The following TRAF3IP2 variants were observed in gnomAD, a reference collection of about 807,000 sequenced individuals.
The protein encoded by TRAF3IP2 is TRAF3 interacting protein 2.
A neutral mutation model predicts 57.9 loss-of-function variants in TRAF3IP2; 35 were observed. The ratio of observed to expected loss-of-function variants is 0.60; its 90% CI spans 0.46 to 0.80. The LOEUF (loss-of-function observed/expected upper bound fraction) is 0.80. Among genes scored for constraint, TRAF3IP2 ranks in the 30% least tolerant of loss-of-function variants. The pLI is 0.00. For synonymous variants in TRAF3IP2, 251 were observed against 268.9 expected (o/e 0.93, Z 0.65); for missense variants, 556 against 706.4 (o/e 0.79, Z 2.41).
chr6:111,559,917 A>G (rs1437955988), intron 8 of TRAF3IP2, among the ~76,000 whole-genome samples: 1 of 152,212 alleles, frequency 6.6e-6, no homozygotes, highest in Non-Finnish European at 1.5e-5. Context: ...CCAGGGCCGT[A>G]GGCTTAAATC....
intron 8 of TRAF3IP2, among the ~76,000 whole-genome samples, chr6:111,562,262 T>C (rs567502094): frequency 6.6e-6 from 1 of 152,332 alleles, no homozygotes; most frequent in East Asian, 1.9e-4. Flanking sequence ...CTGTAATCAT[T>C]AGCTTTGAGA....
At position 111,591,714 on chromosome 6, in the gene TRAF3IP2, G is replaced by A. The variant is rs1796525340; in HGVS notation, c.373C>T (p.Leu125Phe). Reference sequence around the variant, plus strand: ...AATGAAAACTGATGCTCTGCAGGGAGGGCTCCAACCACAGACTCAGACGCA... The same window carrying A: ...AATGAAAACTGATGCTCTGCAGGGAAGGCTCCAACCACAGACTCAGACGCA... ...EPASESVVGA[L>F]PAEHQFSFME... is the part of the protein sequence containing the mutation. Residue 125 changes from leucine to phenylalanine, a missense_variant, in exon 2 of 9, where the codon CTC (leucine) becomes TTC (phenylalanine). Physicochemically the swap from Leu to Phe is conservative, Grantham distance 22 (BLOSUM62 0). Around this residue, in one of 2 missense-constraint regions of TRAF3IP2, gnomAD observed 428 missense variants for 498.7 expected, o/e 0.86. Coordinates refer to ENST00000368761, the MANE Select transcript of TRAF3IP2 (RefSeq NM_147686.4). The surrounding 1 kb of genome is among the most constrained non-coding windows in gnomAD (Gnocchi z 4.9). The A allele has an allele frequency of 1.2e-6, 2 of 1,614,240 alleles. No individual in the cohort carries two copies. The highest frequency in any genetic ancestry group is 1.7e-6 in the Non-Finnish European group (2 of 1,180,030).
At chr6:111,562,434 C>G (rs938503920) in intron 8 of TRAF3IP2, among the ~76,000 whole-genome samples, 2 of 152,108 alleles carry the variant, frequency 1.3e-5, no homozygotes, top group Non-Finnish European at 2.9e-5. Flanking sequence ...GTTCTTTGAA[C>G]AATTAGGACA....
intron 1 of TRAF3IP2, among the ~76,000 whole-genome samples, chr6:111,595,842 AAAGG>A (rs1796672874): frequency 6.6e-6 from 1 of 152,092 alleles, no homozygotes; most frequent in Non-Finnish European, 1.5e-5. Context: ...AAAAAAAAAA[AAAGG>A]AGGTATGCAG....
At chr6:111,581,837 G>C (rs536604667) in intron 2 of TRAF3IP2, among the ~76,000 whole-genome samples, 1 of 152,214 alleles carries the variant, frequency 6.6e-6, no homozygotes, top group South Asian at 2.1e-4. Context: ...AATTAGCTGG[G>C]TGTGATGGCG....
rs151057033 is a variant in TRAF3IP2 at position 111,603,378 on chromosome 6, T to C, written c.-9+2398A>G. On this transcript the variant is annotated intron_variant, in intron 1 of 8. Transcript: ENST00000368761. Reference sequence around the variant, plus strand: ...GGATTGTTTTGATAAGGAAATGTGATCAAACATTAGGGGTCATTTCATTGG... The same window carrying C: ...GGATTGTTTTGATAAGGAAATGTGACCAAACATTAGGGGTCATTTCATTGG... Among the ~76,000 whole-genome samples, 1,087 of 152,298 alleles carry C rather than the reference T, an allele frequency of 7.1e-3. 11 individuals carry two copies. The highest frequency in any genetic ancestry group is 0.025 in the African/African-American group (1,031 of 41,560).
chr6:111,601,117 T>C (rs555803393), intron 1 of TRAF3IP2: 15 of 707,962 alleles, frequency 2.1e-5, no homozygotes, highest in South Asian at 9.0e-5. Context: ...GGTTCAGCTA[T>C]TGGGAGGGAA....
rs1463029619 is a variant in TRAF3IP2 at position 111,591,326 on chromosome 6, T to C, written c.761A>G (p.Asn254Ser). 1.3e-6 allele frequency: 2 copies of C among 1,518,126 alleles called. No individual in the cohort carries two copies. Among genetic ancestry groups the C allele is most frequent in the African/African-American group, 1.4e-5 (1 of 71,742 alleles). The allele number at this position is 1,518,126 out of a possible 1,614,324, so 94.0% of individuals were successfully genotyped here. A position where few individuals can be genotyped will look rare whatever the true frequency, so the allele number is the denominator to read the frequency against. Residue 254 changes from asparagine to serine, a missense_variant, in exon 2 of 9, where the codon AAT becomes AGT. Coordinates refer to ENST00000368761, the MANE Select transcript of TRAF3IP2 (RefSeq NM_147686.4). This position sits in a 1 kb window ranked among gnomAD's most constrained non-coding sequence, Gnocchi z 4.9. ...GTTCCATGGAGCATGTGGGGAAAGA[T>C]TGGGAGGCAGCATCTGTGCACATGC... ...YPACAQMLPP[N>S]LSPHAPWNYH...
chr6:111,603,083 TGCACAC>T (rs887194730), intron 1 of TRAF3IP2, among the ~76,000 whole-genome samples: 5 of 103,830 alleles, frequency 4.8e-5, no homozygotes, highest in African/African-American at 1.7e-4. Context: ...ACACAAGGTG[TGCACAC>T]ACACACACAC....
chr6:111,560,719 AAAT>A (rs1214416724), intron 8 of TRAF3IP2, among the ~76,000 whole-genome samples: 2 of 152,210 alleles, frequency 1.3e-5, no homozygotes, highest in Non-Finnish European at 2.9e-5. Flanking sequence ...GGAGATTTAA[AAAT>A]AATAACAAAA....
intron 2 of TRAF3IP2, among the ~76,000 whole-genome samples, chr6:111,583,744 T>C (rs1796237080): frequency 1.3e-5 from 2 of 152,308 alleles, no homozygotes; most frequent in South Asian, 4.1e-4. Flanking sequence ...ACTTGAATCA[T>C]CCCCAAACCA....
intron 1 of TRAF3IP2, among the ~76,000 whole-genome samples, chr6:111,597,665 A>AC: frequency 1.3e-5 from 2 of 152,232 alleles, no homozygotes; most frequent in South Asian, 4.1e-4. Context: ...ATACAAAGAA[A>AC]ACCATTCAGC....
chr6:111,568,274 AAGTC>A (rs1423704140), intron 5 of TRAF3IP2, among the ~76,000 whole-genome samples: 2 of 152,228 alleles, frequency 1.3e-5, no homozygotes, highest in Admixed American at 1.3e-4. Context: ...TTTATGATGA[AAGTC>A]AGAAGTAGAA....
intron 1 of TRAF3IP2, chr6:111,601,344 G>A: frequency 3.6e-6 from 2 of 558,834 alleles, no homozygotes; most frequent in Non-Finnish European, 3.3e-6. Context: ...GCATTTGACT[G>A]GATCTCATTA....
At chr6:111,597,274 C>T (rs1318292080) in intron 1 of TRAF3IP2, among the ~76,000 whole-genome samples, 1 of 152,214 alleles carries the variant, frequency 6.6e-6, no homozygotes, top group Non-Finnish European at 1.5e-5. Flanking sequence ...GACCACAACC[C>T]TTACTTGCAG....
At position 111,559,158 on chromosome 6, in the gene TRAF3IP2, T is replaced by C. The variant is rs181849404; in HGVS notation, c.*247A>G. On this transcript the variant is annotated 3_prime_UTR_variant, in exon 9 of 9. Coordinates refer to ENST00000368761, the MANE Select transcript of TRAF3IP2 (RefSeq NM_147686.4). ...CTGTCAGGAGGAACATATGGGACAC[T>C]GGCACCTGCAATGGTTTTTTTAAAA... The C allele has an allele frequency of 5.3e-5, 24 of 450,448 alleles. No homozygotes were observed. Among genetic ancestry groups the C allele is most frequent in the African/African-American group, 4.4e-4 (23 of 51,712 alleles). The allele number at this position is 450,448 out of a possible 1,614,324, so 27.9% of individuals were successfully genotyped here.
At chr6:111,578,952 A>G (rs1416940820) in intron 3 of TRAF3IP2, among the ~76,000 whole-genome samples, 1 of 152,222 alleles carries the variant, frequency 6.6e-6, no homozygotes, top group Non-Finnish European at 1.5e-5. Context: ...TAAATGAGGA[A>G]GCTCCATTTA....
intron 2 of TRAF3IP2, among the ~76,000 whole-genome samples, chr6:111,583,933 A>G (rs1301392295): frequency 6.6e-6 from 1 of 152,208 alleles, no homozygotes; most frequent in Admixed American, 6.5e-5. Context: ...ACAAGGTAAA[A>G]GAGGAGAAAC....
Position 111,591,277 on chromosome 6 carries a change from A to G in TRAF3IP2, c.810T>C (p.Ser270=). 1.3e-6 allele frequency: 2 copies of G among 1,487,884 alleles called. No individual in the cohort carries two copies. Among genetic ancestry groups the G allele is most frequent in the East Asian group, 2.3e-5 (1 of 43,568 alleles). The allele number at this position is 1,487,884 out of a possible 1,614,324, so 92.2% of individuals were successfully genotyped here. A position where few individuals can be genotyped will look rare whatever the true frequency, so the allele number is the denominator to read the frequency against. The change falls in exon 2 of 9, where the codon AGT becomes AGC. Residue 270 remains serine, a synonymous_variant. Transcript: ENST00000368761. The surrounding 1 kb of genome is among the most constrained non-coding windows in gnomAD (Gnocchi z 4.9). The part of the protein sequence containing the change: ...PWNYHYHCPG[S]PDHQVPYGHD... ...ACTTACATGGCACCTGGTGATCGGGACTTCCAGGACAATGGTAATGATAGT... is the reference window on the plus strand; with the variant it reads ...ACTTACATGGCACCTGGTGATCGGGGCTTCCAGGACAATGGTAATGATAGT...
Sources: allele counts gnomAD v4.1 joint callset (sites outside exome capture counted in the v4.1 genomes callset), GRCh38; gene constraint gnomAD v4.1.1; regional missense constraint gnomAD v4.1.1; non-coding constraint Gnocchi (gnomAD v3.1); transcripts MANE v1.5; gene names NCBI Gene and HGNC (gene_info 2026-07-23, HGNC 2026-07-21).